Variants in LGSN observed in about 807,000 individuals in gnomAD.
LGSN encodes the protein lengsin, lens protein with glutamine synthetase domain, also known as lengsin.
LGSN carries 21 observed loss-of-function variants against 19.5 expected under a neutral mutation model. The ratio of observed to expected loss-of-function variants is 1.07; its 90% CI spans 0.76 to 1.55. The LOEUF (loss-of-function observed/expected upper bound fraction) is 1.55. Among genes scored for constraint, LGSN ranks in the 40% most tolerant of loss-of-function variants. The pLI is 0.00. For synonymous variants in LGSN, 257 were observed against 215.6 expected, an observed-to-expected ratio of 1.19 and a Z score of -1.68; for missense variants, 673 against 608.5, an observed-to-expected ratio of 1.11 and a Z score of -1.12.
chr6:63,345,108 C>CA, the LGSN span, among the ~76,000 whole-genome samples: 54 of 150,124 alleles, frequency 3.6e-4, no homozygotes, highest in Admixed American at 1.7e-3. Context: ...CATTATCCCA[C>CA]AAAAAAAAAT....
At chr6:63,438,843 C>T in the LGSN span, among the ~76,000 whole-genome samples, 1 of 152,108 alleles carries the variant, frequency 6.6e-6, no homozygotes, top group Non-Finnish European at 1.5e-5. Flanking sequence ...ACCTAGCCAT[C>T]CCATTACTGG....
At chr6:63,377,443 G>A in the LGSN span, among the ~76,000 whole-genome samples, 2 of 152,182 alleles carry the variant, frequency 1.3e-5, no homozygotes, top group Non-Finnish European at 2.9e-5. Flanking sequence ...CAGCCCTGGG[G>A]AGTTGGTTCA....
At chr6:63,301,100 G>A (rs1768161817) in intron 1 of LGSN, among the ~76,000 whole-genome samples, 1 of 152,110 alleles carries the variant, frequency 6.6e-6, no homozygotes, top group Non-Finnish European at 1.5e-5. Context: ...AGACCAGCCT[G>A]GCCAACACAG....
At chr6:63,458,569 C>G in the LGSN span, among the ~76,000 whole-genome samples, 2 of 152,206 alleles carry the variant, frequency 1.3e-5, no homozygotes, top group East Asian at 1.9e-4. Flanking sequence ...CTGAAGATCT[C>G]GGTCCTAGGA....
chr6:63,305,328 C>T (rs1207269041), intron 1 of LGSN, among the ~76,000 whole-genome samples: 3 of 152,144 alleles, frequency 2.0e-5, no homozygotes, highest in Non-Finnish European at 4.4e-5. Context: ...CCAAATAAGT[C>T]CATTTACAAT....
intron 3 of LGSN, among the ~76,000 whole-genome samples, chr6:63,282,123 C>G (rs1023284845): frequency 1.3e-5 from 2 of 152,166 alleles, no homozygotes; most frequent in Admixed American, 6.5e-5. Flanking sequence ...TTAACTTTTG[C>G]TCTGTGCCAG....
At chr6:63,467,728 G>A in the LGSN span, among the ~76,000 whole-genome samples, 4 of 152,158 alleles carry the variant, frequency 2.6e-5, no homozygotes, top group Non-Finnish European at 5.9e-5. Flanking sequence ...GTCTCACTCT[G>A]TTGCCCAGGC....
At chr6:63,337,792 A>T in the LGSN span, among the ~76,000 whole-genome samples, 1 of 151,840 alleles carries the variant, frequency 6.6e-6, no homozygotes, top group East Asian at 1.9e-4. Context: ...TAACAGAGTG[A>T]GATACTGTCT....
At chr6:63,549,016 C>T in the LGSN span, 11 of 727,710 alleles carry the variant, frequency 1.5e-5, no homozygotes, top group South Asian at 8.6e-5. Flanking sequence ...ACAACCAGCT[C>T]GATGGGATCC....
the LGSN span, among the ~76,000 whole-genome samples, chr6:63,343,880 G>T: frequency 6.6e-6 from 1 of 152,196 alleles, no homozygotes; most frequent in Non-Finnish European, 1.5e-5. Flanking sequence ...CTAGGATTCA[G>T]TGAACCATTG....
chr6:63,309,832 C>A (rs1030186496), intron 1 of LGSN, among the ~76,000 whole-genome samples: 2 of 152,120 alleles, frequency 1.3e-5, no homozygotes, highest in East Asian at 3.8e-4. Flanking sequence ...ATTTTGTATT[C>A]TTTGACCAAC....
the LGSN span, among the ~76,000 whole-genome samples, chr6:63,409,210 C>T: frequency 1.3e-5 from 2 of 152,240 alleles, no homozygotes; most frequent in African/African-American, 2.4e-5. Flanking sequence ...CCACACCCAG[C>T]CAAAAATATT....
chr6:63,379,627 T>G, the LGSN span, among the ~76,000 whole-genome samples: 5 of 152,228 alleles, frequency 3.3e-5, no homozygotes, highest in African/African-American at 1.2e-4. Flanking sequence ...TAGCTCCTCT[T>G]GCTCCAGTGG....
chr6:63,281,031 T>G lies in LGSN; in HGVS notation c.520A>C (p.Thr174Pro), dbSNP rs1767288168. ...GTCAAAAGAGGCTCACCAGTCACAG[T>G]GAAGGTATCACATATCACTCTTGCA... ...RTARVICDTF[T>P]VTGEPLLTSP... Residue 174 changes from threonine to proline, a missense_variant, in exon 4 of 4, where the codon ACT becomes CCT. Transcript: ENST00000370657. The G allele has an allele frequency of 1.2e-6, 2 of 1,613,944 alleles. No individual in the cohort carries two copies. Among genetic ancestry groups the G allele is most frequent in the Admixed American group, 1.7e-5 (1 of 59,992 alleles).
chr6:63,569,951 A>T, the LGSN span, among the ~76,000 whole-genome samples: 5 of 152,326 alleles, frequency 3.3e-5, no homozygotes, highest in African/African-American at 9.6e-5. Flanking sequence ...TTCTCCAAGA[A>T]TCTGCAGCTT....
the LGSN span, among the ~76,000 whole-genome samples, chr6:63,448,719 C>CT: frequency 5.1e-3 from 741 of 146,032 alleles, 3 homozygotes; most frequent in Non-Finnish European, 8.1e-3. Flanking sequence ...CTTTTTTCTT[C>CT]TTTTTTTTCA....
the LGSN span, among the ~76,000 whole-genome samples, chr6:63,539,715 G>C: frequency 6.6e-6 from 1 of 151,854 alleles, no homozygotes; most frequent in Non-Finnish European, 1.5e-5. Context: ...GTTGCAGTGA[G>C]CTGAGATCGT....
At chr6:63,307,741 G>A (rs569100909) in intron 1 of LGSN, among the ~76,000 whole-genome samples, 1 of 152,314 alleles carries the variant, frequency 6.6e-6, no homozygotes, top group East Asian at 1.9e-4. Flanking sequence ...CATTACTGAG[G>A]ATTTCTGGTG....
At chr6:63,499,551 G>T in the LGSN span, among the ~76,000 whole-genome samples, 81,191 of 151,758 alleles carry the variant, frequency 0.54, 23,575 homozygotes, top group African/African-American at 0.77. Flanking sequence ...AGAAAATCTC[G>T]CTTTTTGTAG....
Sources: allele counts gnomAD v4.1 joint callset (sites outside exome capture counted in the v4.1 genomes callset), GRCh38; gene constraint gnomAD v4.1.1; transcripts MANE v1.5; gene names NCBI Gene and HGNC (gene_info 2026-07-23, HGNC 2026-07-21).